Variants in CYS1 observed in about 807,000 individuals in gnomAD.
The protein encoded by CYS1 is cystin-1.
CYS1 carries 5 observed loss-of-function variants against 9.6 expected under a neutral mutation model. The observed-to-expected ratio is 0.52, with a 90% CI of 0.27 to 1.10. The LOEUF is 1.10. Ranked by LOEUF, CYS1 falls within the 50% of genes least tolerant of loss-of-function variation. The pLI is 0.11. For missense variants in CYS1, 221 were observed against 207.9 expected, an observed-to-expected ratio of 1.06 and a Z score of -0.39; for synonymous variants, 88 against 95.7, an observed-to-expected ratio of 0.92 and a Z score of 0.47.
At chr2:10,071,299 C>T (rs1340704741) in intron 1 of CYS1, among the ~76,000 whole-genome samples, 1 of 152,200 alleles carries the variant, frequency 6.6e-6, no homozygotes, top group African/African-American at 2.4e-5. Flanking sequence ...GCAGGACATC[C>T]AGCCAAGCCC....
chr2:10,063,957 T>A lies in CYS1; in HGVS notation c.371+1947A>T, dbSNP rs1294088046. Reference sequence around the variant, plus strand: ...GAATGAAAAGGCTGGGTGCAGTGGCTCACGCCCATAATCCCAGCACTTTGG... The same window carrying A: ...GAATGAAAAGGCTGGGTGCAGTGGCACACGCCCATAATCCCAGCACTTTGG... On this transcript the variant is annotated intron_variant, in intron 2 of 2. Coordinates refer to ENST00000381813, the MANE Select transcript of CYS1 (RefSeq NM_001037160.3). The surrounding 1 kb of genome is among the most constrained non-coding windows in gnomAD (Gnocchi z 4.2). Among the ~76,000 whole-genome samples, 1 of 152,224 alleles carries A rather than the reference T, an allele frequency of 6.6e-6. No individual in the cohort carries two copies. Among genetic ancestry groups the A allele is most frequent in the African/African-American group, 2.4e-5 (1 of 41,460 alleles).
At chr2:10,073,976 C>T (rs12470382) in intron 1 of CYS1, among the ~76,000 whole-genome samples, 30,521 of 152,164 alleles carry the variant, frequency 0.2, 4,137 homozygotes, top group East Asian at 0.53. Context: ...CCCGCTCCTC[C>T]CCCGGGTCGA....
At position 10,058,839 on chromosome 2, in the gene CYS1, G is replaced by A; in HGVS notation, c.*14C>T. On this transcript the variant is annotated 3_prime_UTR_variant, in exon 3 of 3. Transcript: ENST00000381813. ...GGTGCCTCCGAGGCCTGGCGGGGGT[G>A]GAGCATGCTGTCCTCAGCGGCAGTA... The A allele has an allele frequency of 6.5e-7, 1 of 1,548,872 alleles. No individual in the cohort carries two copies. The highest frequency in any genetic ancestry group is 8.7e-7 in the Non-Finnish European group (1 of 1,144,892).
chr2:10,072,371 C>A (rs1380943849), intron 1 of CYS1, among the ~76,000 whole-genome samples: 1 of 152,216 alleles, frequency 6.6e-6, no homozygotes, highest in Non-Finnish European at 1.5e-5. Context: ...GCGTGAGCCA[C>A]CGTGCCCGTG....
chr2:10,069,667 G>A (rs1191833189), intron 1 of CYS1, among the ~76,000 whole-genome samples: 7 of 151,872 alleles, frequency 4.6e-5, no homozygotes, highest in African/African-American at 1.2e-4. Flanking sequence ...GCGCCTGGCC[G>A]AAAAAAATAT....
rs944813413 is a variant in CYS1 at position 10,076,912 on chromosome 2, G to T, written c.318+2994C>A. 2.0e-5 allele frequency among the ~76,000 whole-genome samples: 3 copies of T among 152,082 alleles called. No homozygotes were observed. Among genetic ancestry groups the T allele is most frequent in the African/African-American group, 7.2e-5 (3 of 41,394 alleles). ...CCCCTGAATGCCAAACTCTTACAAA[G>T]ATCTACTCACTTGACATTTCTGTTT... On this transcript the variant is annotated intron_variant, in intron 1 of 2. Coordinates refer to ENST00000381813, the MANE Select transcript of CYS1 (RefSeq NM_001037160.3). The surrounding 1 kb of genome is among the most constrained non-coding windows in gnomAD (Gnocchi z 4.3).
At chr2:10,073,209 GCCCCCC>G (rs36064107) in intron 1 of CYS1, among the ~76,000 whole-genome samples, 55 of 130,030 alleles carry the variant, frequency 4.2e-4, no homozygotes, top group African/African-American at 9.1e-4. Context: ...TCTGGGAACC[GCCCCCC>G]CCCCCCCCCC....
At chr2:10,067,265 A>C (rs1401315902) in intron 1 of CYS1, among the ~76,000 whole-genome samples, 1 of 151,970 alleles carries the variant, frequency 6.6e-6, no homozygotes, top group East Asian at 1.9e-4. Context: ...TGATCTGCCC[A>C]CCTCAGCCTC....
At chr2:10,071,215 C>A (rs1661763625) in intron 1 of CYS1, among the ~76,000 whole-genome samples, 1 of 152,208 alleles carries the variant, frequency 6.6e-6, no homozygotes, top group Non-Finnish European at 1.5e-5. Flanking sequence ...CGTCCACCGG[C>A]CTCGGCCTCC....
At chr2:10,067,239 C>T (rs984352831) in intron 1 of CYS1, among the ~76,000 whole-genome samples, 1 of 152,146 alleles carries the variant, frequency 6.6e-6, no homozygotes, top group African/African-American at 2.4e-5. Context: ...TGGTCTCGAA[C>T]TCCTCACCTC....
At chr2:10,074,777 A>G (rs964168887) in intron 1 of CYS1, among the ~76,000 whole-genome samples, 1 of 152,222 alleles carries the variant, frequency 6.6e-6, no homozygotes, top group Admixed American at 6.5e-5. Flanking sequence ...CTGCTCTCCG[A>G]CATCACCTGG....
rs1044732596 is a variant in CYS1, at chr2:10,080,047, G to T, written c.177C>A (p.Ser59Arg). 3.2e-5 allele frequency: 34 copies of T among 1,051,640 alleles called. No individual in the cohort carries two copies. Among genetic ancestry groups the T allele is most frequent in the Non-Finnish European group, 3.8e-5 (33 of 874,302 alleles). The allele number at this position is 1,051,640 out of a possible 1,614,324, so 65.1% of individuals were successfully genotyped here. A position where few individuals can be genotyped will look rare whatever the true frequency, so the allele number is the denominator to read the frequency against. The part of the protein sequence containing the change: ...AAEEAPGRDP[S>R]PVAPPDGRDE... ...CCCTGCCGTCGGGGGGCGCCACGGG[G>T]CTGGGGTCGCGGCCGGGCGCCTCCT... is the stretch of plus-strand genomic sequence containing the variant. The change falls in exon 1 of 3, where the codon AGC becomes AGA. Residue 59 changes from serine (S) to arginine (R), a missense_variant. Transcript: ENST00000381813. The surrounding 1 kb of genome is among the most constrained non-coding windows in gnomAD (Gnocchi z 6.4).
chr2:10,080,029 G>C lies in CYS1; in HGVS notation c.195C>G (p.Asp65Glu), dbSNP rs1661919157. ...GRDPSPVAPP[D>E]GRDETLRLLD... ...GCAGGCGCAGCGTCTCGTCCCTGCC[G>C]TCGGGGGGCGCCACGGGGCTGGGGT... Residue 65 changes from aspartate to glutamate, a missense_variant, in exon 1 of 3, where the codon GAC becomes GAG. Physicochemically the swap from Asp to Glu is conservative, Grantham distance 45 (BLOSUM62 2). Coordinates refer to ENST00000381813, the MANE Select transcript of CYS1 (RefSeq NM_001037160.3). The surrounding 1 kb of genome is among the most constrained non-coding windows in gnomAD (Gnocchi z 6.4). The C allele has an allele frequency of 4.7e-6, 5 of 1,065,948 alleles. No homozygotes were observed. Among genetic ancestry groups the C allele is most frequent in the Non-Finnish European group, 5.7e-6 (5 of 882,798 alleles). The allele number at this position is 1,065,948 out of a possible 1,614,324, so 66.0% of individuals were successfully genotyped here.
At chr2:10,070,438 A>G (rs965222268) in intron 1 of CYS1, among the ~76,000 whole-genome samples, 1 of 151,292 alleles carries the variant, frequency 6.6e-6, no homozygotes, top group Non-Finnish European at 1.5e-5. Context: ...CTCTGCCTCC[A>G]GGGTTCAAGT....
chr2:10,072,114 G>A (rs925315825), intron 1 of CYS1, among the ~76,000 whole-genome samples: 4 of 150,410 alleles, frequency 2.7e-5, no homozygotes, highest in South Asian at 2.1e-4. Flanking sequence ...ACAGAGTTTC[G>A]CTCTTGTCGC....
At chr2:10,068,309 G>A (rs1572457391) in intron 1 of CYS1, among the ~76,000 whole-genome samples, 1 of 152,178 alleles carries the variant, frequency 6.6e-6, no homozygotes, top group South Asian at 2.1e-4. Flanking sequence ...ATCTTCATTG[G>A]TATATTTTTG....
Position 10,067,391 on chromosome 2 carries a change from T to A in CYS1, c.319-1435A>T, listed in dbSNP as rs896896968. On this transcript the variant is annotated intron_variant, in intron 1 of 2. Transcript: ENST00000381813. ...AGAAATGACTGAGATATATACATTTTAAAAAAATTCTTTTCTTTTTTTTTT... is the reference window on the plus strand; with the variant it reads ...AGAAATGACTGAGATATATACATTTAAAAAAAATTCTTTTCTTTTTTTTTT... 5.4e-5 allele frequency among the ~76,000 whole-genome samples: 8 copies of A among 147,204 alleles called. No individual in the cohort carries two copies. In the South Asian group the frequency reaches 8.6e-4, roughly 16 times the overall value.
chr2:10,072,729 C>G (rs1439828419), intron 1 of CYS1, among the ~76,000 whole-genome samples: 1 of 152,234 alleles, frequency 6.6e-6, no homozygotes, highest in Non-Finnish European at 1.5e-5. Context: ...CACAATTTTG[C>G]TAGTCTCGTT....
In CYS1 at chr2:10,067,868, T is replaced by TA. The variant is rs1382153403; in HGVS notation, c.319-1913dup. Among the ~76,000 whole-genome samples the TA allele has an allele frequency of 2.6e-5, 4 of 152,230 alleles. No homozygotes were observed. In the East Asian group the frequency reaches 7.7e-4, roughly 29 times the overall value. ...TTCTGGTCCTTATACATTTTTCCCC[T>TA]AACCTTTCTGCACTGGCTGGGACCT... On this transcript the variant is annotated intron_variant, in intron 1 of 2. Transcript: ENST00000381813.
Sources: gnomAD v4.1 joint callset for allele counts (sites outside exome capture counted in the v4.1 genomes callset) on GRCh38, gnomAD v4.1.1 for gene constraint, Gnocchi (gnomAD v3.1) non-coding constraint, MANE v1.5 for transcripts, NCBI Gene and HGNC (gene_info 2026-07-23, HGNC 2026-07-21) for gene names.